Variants in PCDHAC1 observed in about 807,000 individuals in gnomAD.
The protein encoded by PCDHAC1 is protocadherin alpha-C1.
Under a neutral mutation model 60.0 loss-of-function variants are expected in PCDHAC1, and 42 were observed. The ratio of observed to expected loss-of-function variants is 0.70; its 90% CI spans 0.55 to 0.90. PCDHAC1 has a LOEUF of 0.90. PCDHAC1 is among the 40% of genes least tolerant of loss of function. The probability of loss-of-function intolerance (pLI) is 0.00; values close to 1 mark genes in which losing one functional copy is unlikely to be tolerated. For missense variants in PCDHAC1, 1,160 were observed against 1,222.3 expected (o/e 0.95, Z 0.76); for synonymous variants, 468 against 499.3 (o/e 0.94, Z 0.84).
intron 1 of PCDHAC1, among the ~76,000 whole-genome samples, chr5:140,941,214 C>CTTTTT (rs1554214039): frequency 1.2e-4 from 15 of 122,492 alleles, no homozygotes; most frequent in African/African-American, 4.3e-4. Context: ...TTTCTTTCTT[C>CTTTTT]CTTTCTTTCT....
In PCDHAC1 at chr5:140,927,595, C is replaced by A. The variant is rs2084392576; in HGVS notation, c.703C>A (p.Arg235Ser). The change falls in exon 1 of 4, where the codon CGC becomes AGC. Residue 235 changes from arginine to serine, a missense_variant. By Grantham distance (110) the Arg-to-Ser change is moderately radical. Transcript: ENST00000253807. ...DTNDNAPVFE[R>S]SVYRTKVPET... ...AAATGACAACGCGCCTGTATTTGAG[C>A]GCTCCGTATACCGCACCAAGGTTCC... is the stretch of plus-strand genomic sequence containing the variant. 2 of 1,614,038 alleles carry A rather than the reference C, an allele frequency of 1.2e-6. No individual in the cohort carries two copies. The highest frequency in any genetic ancestry group is 2.2e-5 in the South Asian group (2 of 91,090).
chr5:141,001,488 ATGCTAGCCCAGGT>A (rs1261759985), intron 3 of PCDHAC1, among the ~76,000 whole-genome samples: 3 of 152,210 alleles, frequency 2.0e-5, no homozygotes, highest in Non-Finnish European at 4.4e-5. Flanking sequence ...AGTGCTGGAA[ATGCTAGCCCAGGT>A]GGGCTTAGCT....
intron 1 of PCDHAC1, among the ~76,000 whole-genome samples, chr5:140,935,894 C>CTT (rs55841305): frequency 0.3 from 41,439 of 136,538 alleles, 6,640 homozygotes; most frequent in East Asian, 0.49. Context: ...TCAATATTAT[C>CTT]TTTTTTTTTT....
chr5:140,949,664 A>T (rs2094409163), intron 1 of PCDHAC1, among the ~76,000 whole-genome samples: 1 of 151,578 alleles, frequency 6.6e-6, no homozygotes, highest in African/African-American at 2.4e-5. Context: ...TTGTTTCTTT[A>T]AAGTATGCCC....
chr5:140,976,171 A>T (rs1356953697), intron 1 of PCDHAC1, among the ~76,000 whole-genome samples: 1 of 152,218 alleles, frequency 6.6e-6, no homozygotes, highest in African/African-American at 2.4e-5. Flanking sequence ...TTAGTTTTGT[A>T]TTGTTTTAAA....
intron 1 of PCDHAC1, among the ~76,000 whole-genome samples, chr5:140,974,338 A>G (rs1554235945): frequency 6.6e-6 from 1 of 152,212 alleles, no homozygotes; most frequent in Non-Finnish European, 1.5e-5. Flanking sequence ...CTAGCAGGCT[A>G]TGCATCCAGA....
chr5:140,940,045 G>T (rs2092536047), intron 1 of PCDHAC1, among the ~76,000 whole-genome samples: 1 of 152,038 alleles, frequency 6.6e-6, no homozygotes, highest in African/African-American at 2.4e-5. Flanking sequence ...TATTTTATTA[G>T]ATTCTTAACC....
chr5:140,946,631 T>TACAC (rs374022482), intron 1 of PCDHAC1, among the ~76,000 whole-genome samples: 1 of 131,846 alleles, frequency 7.6e-6, no homozygotes, highest in Non-Finnish European at 1.5e-5. Flanking sequence ...TATATATATA[T>TACAC]ACAATGGAAT....
intron 1 of PCDHAC1, chr5:140,968,638 A>T: frequency 6.2e-7 from 1 of 1,614,184 alleles, no homozygotes; most frequent in Non-Finnish European, 8.5e-7. Context: ...TTTACCATCT[A>T]GCCCAGACTT....
chr5:140,939,349 TA>T (rs1233387801), intron 1 of PCDHAC1, among the ~76,000 whole-genome samples: 4 of 152,154 alleles, frequency 2.6e-5, no homozygotes, highest in Admixed American at 6.5e-5. Context: ...CATTTCAACT[TA>T]TGATTGCAAA....
intron 1 of PCDHAC1, among the ~76,000 whole-genome samples, chr5:140,964,512 T>C (rs2095837085): frequency 6.6e-6 from 1 of 152,128 alleles, no homozygotes; most frequent in African/African-American, 2.4e-5. Context: ...CAATACCCAG[T>C]GGCCAGGTCT....
chr5:140,999,372 G>A (rs1029178969), intron 3 of PCDHAC1, among the ~76,000 whole-genome samples: 3 of 152,188 alleles, frequency 2.0e-5, no homozygotes, highest in Non-Finnish European at 1.5e-5. Context: ...AATCCCATTA[G>A]ATGGTTATTG....
chr5:140,932,703 G>A (rs1218359293), intron 1 of PCDHAC1, among the ~76,000 whole-genome samples: 2 of 151,660 alleles, frequency 1.3e-5, no homozygotes, highest in Non-Finnish European at 3.0e-5. Flanking sequence ...AACTCATATA[G>A]ACAACACAAT....
chr5:140,986,204 T>A (rs2097190386), intron 3 of PCDHAC1, among the ~76,000 whole-genome samples: 1 of 152,224 alleles, frequency 6.6e-6, no homozygotes, highest in African/African-American at 2.4e-5. Context: ...TAATCCTGAT[T>A]ACTGGCCCCT....
rs559093543 is a variant in PCDHAC1 at position 140,936,623 on chromosome 5, A to G, written c.2433+7298A>G. Among the ~76,000 whole-genome samples, 3 of 152,312 alleles carry G rather than the reference A, an allele frequency of 2.0e-5. No individual in the cohort carries two copies. The East Asian group carries it at 5.8e-4, about 29-fold the overall frequency. On this transcript the variant is annotated intron_variant, in intron 1 of 3. Transcript: ENST00000253807. ...TTCCTCGCTGCTACTGTGCAGTGCT[A>G]CCTTTGTCATAAGCAACGTGACTTT...
At chr5:140,958,744 A>G (rs1421311606) in intron 1 of PCDHAC1, among the ~76,000 whole-genome samples, 1 of 152,156 alleles carries the variant, frequency 6.6e-6, no homozygotes, top group Non-Finnish European at 1.5e-5. Context: ...AAAGAGAGAA[A>G]GGAGATTTTT....
intron 1 of PCDHAC1, chr5:140,968,434 C>T: frequency 6.8e-6 from 11 of 1,613,948 alleles, no homozygotes; most frequent in Non-Finnish European, 8.5e-6. Flanking sequence ...ACAAGGGGAG[C>T]CCACCACTGA....
chr5:140,932,261 T>C (rs1554208805), intron 1 of PCDHAC1, among the ~76,000 whole-genome samples: 1 of 151,922 alleles, frequency 6.6e-6, no homozygotes, highest in East Asian at 1.9e-4. Context: ...CTCTGAGATA[T>C]AAATTTCTAC....
chr5:140,967,460 G>A, intron 1 of PCDHAC1: 1 of 1,613,538 alleles, frequency 6.2e-7, no homozygotes, highest in Non-Finnish European at 8.5e-7. Context: ...AGCCGTGGAT[G>A]GGGGCATCCC....
Sources: gnomAD v4.1 joint callset for allele counts (sites outside exome capture counted in the v4.1 genomes callset) on GRCh38, gnomAD v4.1.1 for gene constraint, MANE v1.5 for transcripts, NCBI Gene and HGNC (gene_info 2026-07-23, HGNC 2026-07-21) for gene names.